The following STK39 variants were observed in gnomAD, a reference collection of about 807,000 sequenced individuals.
The protein encoded by STK39 is STE20/SPS1-related proline-alanine-rich protein kinase.
STK39 carries 20 observed loss-of-function variants against 77.8 expected under a neutral mutation model. The ratio of observed to expected loss-of-function variants is 0.26; its 90% CI spans 0.18 to 0.37. The LOEUF is 0.37. Among genes scored for constraint, STK39 ranks in the 10% least tolerant of loss-of-function variants. STK39 has a pLI of 1.00. For missense variants in STK39, 479 were observed against 656.5 expected, an observed-to-expected ratio of 0.73 and a Z score of 2.95; for synonymous variants, 246 against 234.1, an observed-to-expected ratio of 1.05 and a Z score of -0.47.
intron 14 of STK39, among the ~76,000 whole-genome samples, chr2:168,024,593 T>C (rs1684651114): frequency 2.0e-5 from 3 of 152,224 alleles, no homozygotes; most frequent in Non-Finnish European, 4.4e-5. Context: ...GACATTAAGA[T>C]GGTGCAGCCC....
intron 2 of STK39, among the ~76,000 whole-genome samples, chr2:168,171,437 C>T (rs1370241679): frequency 6.6e-6 from 1 of 151,176 alleles, no homozygotes; most frequent in Admixed American, 6.6e-5. Flanking sequence ...GAAAAAACTT[C>T]CCCTTCCCCC....
chr2:168,237,497 G>A (rs991355995), intron 1 of STK39, among the ~76,000 whole-genome samples: 2 of 152,210 alleles, frequency 1.3e-5, no homozygotes, highest in African/African-American at 4.8e-5. Flanking sequence ...TAGGAGTGGT[G>A]AGAGAGTGCA....
chr2:168,154,636 G>T (rs1688377951), intron 5 of STK39, among the ~76,000 whole-genome samples: 1 of 152,014 alleles, frequency 6.6e-6, no homozygotes, highest in Admixed American at 6.5e-5. Flanking sequence ...AAGTTACCCA[G>T]GTATAGGCAT....
At chr2:168,197,132 C>T (rs1574547138) in intron 1 of STK39, among the ~76,000 whole-genome samples, 2 of 152,084 alleles carry the variant, frequency 1.3e-5, no homozygotes, top group African/African-American at 2.4e-5. Context: ...TGTAGATGTG[C>T]GGGCATGAAT....
At chr2:168,064,284 C>CCGTTTCCTTTA (rs1330132063) in intron 13 of STK39, among the ~76,000 whole-genome samples, 1 of 152,124 alleles carries the variant, frequency 6.6e-6, no homozygotes, top group Non-Finnish European at 1.5e-5. Context: ...ATCCCTGTTC[C>CCGTTTCCTTTA]CGTTTCCTTT....
chr2:168,030,045 C>T (rs1263504415), intron 14 of STK39, among the ~76,000 whole-genome samples: 6 of 152,040 alleles, frequency 3.9e-5, no homozygotes, highest in Admixed American at 3.9e-4. Context: ...TAGAGACCAT[C>T]CTGGCTAACA....
intron 14 of STK39, among the ~76,000 whole-genome samples, chr2:168,033,441 G>C (rs1005175869): frequency 6.6e-5 from 10 of 152,158 alleles, no homozygotes; most frequent in South Asian, 4.1e-4. Flanking sequence ...TTGGGATGGT[G>C]GGTTCAGCTC....
At chr2:168,141,403 C>T (rs985939572) in intron 5 of STK39, among the ~76,000 whole-genome samples, 7 of 152,122 alleles carry the variant, frequency 4.6e-5, no homozygotes, top group African/African-American at 1.7e-4. Flanking sequence ...TGTCACCTCA[C>T]ATTCAAAAAG....
At chr2:168,230,010 G>T (rs1223662378) in intron 1 of STK39, among the ~76,000 whole-genome samples, 11 of 152,186 alleles carry the variant, frequency 7.2e-5, no homozygotes, top group African/African-American at 2.7e-4. Context: ...AACAACGAGA[G>T]TGTACACAAG....
chr2:167,984,680 C>T (rs10184874), intron 16 of STK39, among the ~76,000 whole-genome samples: 84,100 of 151,990 alleles, frequency 0.55, 24,520 homozygotes, highest in African/African-American at 0.67. Flanking sequence ...GGGAGGAAAA[C>T]ATAAAATTTT....
chr2:168,037,126 A>G (rs1330559263), intron 14 of STK39, among the ~76,000 whole-genome samples: 1 of 152,194 alleles, frequency 6.6e-6, no homozygotes, highest in African/African-American at 2.4e-5. Context: ...GAGTTATTTT[A>G]TTGGGCGTGG....
chr2:168,179,163 C>T (rs11892008), intron 2 of STK39, among the ~76,000 whole-genome samples: 24,866 of 152,072 alleles, frequency 0.16, 2,533 homozygotes, highest in African/African-American at 0.28. Context: ...GTCTGTGAGA[C>T]GATGCAGTGC....
chr2:168,161,654 CCAAA>C (rs1438026521), intron 5 of STK39, 129 bp downstream of exon 5: 1 of 609,832 alleles, frequency 1.6e-6, no homozygotes, highest in Non-Finnish European at 2.7e-6. Context: ...TCCTTCGGAC[CCAAA>C]CATTCTGTAA....
chr2:168,018,538 A>AAAAGAAAGAAAG (rs60121657), intron 14 of STK39, among the ~76,000 whole-genome samples: 8,104 of 84,914 alleles, frequency 0.095, 551 homozygotes, highest in East Asian at 0.12. Context: ...GAAAAGAAAG[A>AAAAGAAAGAAAG]AAAGAAAGAA....
intron 10 of STK39, among the ~76,000 whole-genome samples, chr2:168,108,559 A>T (rs1040871114): frequency 2.0e-5 from 3 of 151,666 alleles, no homozygotes; most frequent in African/African-American, 7.3e-5. Context: ...AAATTTAAAA[A>T]AGAAAAGAAA....
chr2:168,138,430 T>C (rs1457388385), intron 7 of STK39, among the ~76,000 whole-genome samples: 4 of 152,214 alleles, frequency 2.6e-5, no homozygotes, highest in African/African-American at 9.7e-5. Context: ...GTTATTCCAT[T>C]GACAGAACTT....
At chr2:167,990,391 A>G (rs1683671458) in intron 16 of STK39, among the ~76,000 whole-genome samples, 1 of 152,222 alleles carries the variant, frequency 6.6e-6, no homozygotes, top group Non-Finnish European at 1.5e-5. Context: ...TGCTGTACAA[A>G]CAGATATCCA....
intron 14 of STK39, among the ~76,000 whole-genome samples, chr2:168,034,250 A>G (rs1684896948): frequency 6.6e-6 from 1 of 152,214 alleles, no homozygotes; most frequent in Admixed American, 6.5e-5. Context: ...TTTGAAACAA[A>G]GAGACTGGGA....
At chr2:168,246,772 G>A (rs961848953) in intron 1 of STK39, among the ~76,000 whole-genome samples, 3 of 152,114 alleles carry the variant, frequency 2.0e-5, no homozygotes, top group African/African-American at 2.4e-5. Context: ...GGCTGCGCCC[G>A]CAGAGTCCCC....
Sources: allele counts gnomAD v4.1 joint callset (sites outside exome capture counted in the v4.1 genomes callset), GRCh38; gene constraint gnomAD v4.1.1; transcripts MANE v1.5; gene names NCBI Gene and HGNC (gene_info 2026-07-23, HGNC 2026-07-21).